Variants in NHS observed in about 807,000 individuals in gnomAD.
NHS encodes the protein actin remodeling regulator NHS.
In NHS, 5 loss-of-function variants were observed where a neutral mutation model predicts 72.5. The observed-to-expected ratio is 0.07, with a 90% confidence interval of 0.04 to 0.14. The LOEUF is 0.14. Among genes scored for constraint, NHS ranks in the 10% least tolerant of loss-of-function variants. NHS has a pLI of 1.00. For synonymous variants in NHS, 464 were observed against 547.7 expected, an observed-to-expected ratio of 0.85 and a Z score of 2.13; for missense variants, 1,072 against 1,355.7, an observed-to-expected ratio of 0.79 and a Z score of 3.29.
At chrX:17,518,421 T>C (rs1018677147) in intron 1 of NHS, among the ~76,000 whole-genome samples, 2 of 111,817 alleles carry the variant, frequency 1.8e-5, no homozygotes, top group South Asian at 3.7e-4. Flanking sequence ...AGTGAACGCA[T>C]GGCCACAACC....
rs151170039 is a variant in NHS at position 17,436,907 on chromosome X, A to G, written c.565+60585A>G. ...ACCTGAGACTCCAAGTGCCTTTTCC[A>G]AAGTTATGCAACTAGTTAGTGACAA... On this transcript the variant is annotated intron_variant, in intron 1 of 8. Transcript: ENST00000676302. 4.5e-5 allele frequency among the ~76,000 whole-genome samples: 5 copies of G among 111,872 alleles called. No homozygotes were observed. In the East Asian group the frequency reaches 1.4e-3, roughly 31 times the overall value.
At chrX:17,724,454 G>C in intron 6 of NHS, 24 bp downstream of exon 6, 1 of 1,205,256 alleles carries the variant, frequency 8.3e-7, no homozygotes, top group Non-Finnish European at 1.1e-6. Context: ...AAATGTTAAT[G>C]GTTAACATTC....
At chrX:17,720,925 A>C (rs1201990433) in intron 4 of NHS, among the ~76,000 whole-genome samples, 1 of 112,184 alleles carries the variant, frequency 8.9e-6, no homozygotes, top group East Asian at 2.8e-4. Context: ...TCCTGGAGTG[A>C]AATTAACTCC....
At chrX:17,537,489 C>G (rs1276368369) in intron 1 of NHS, among the ~76,000 whole-genome samples, 1 of 112,616 alleles carries the variant, frequency 8.9e-6, no homozygotes, top group Non-Finnish European at 1.9e-5. Flanking sequence ...AGGGTCCTGC[C>G]TGGTGCTATC....
intron 1 of NHS, among the ~76,000 whole-genome samples, chrX:17,495,950 C>T (rs2065010505): frequency 9.0e-6 from 1 of 111,541 alleles, no homozygotes; most frequent in African/African-American, 3.3e-5. Flanking sequence ...CTAACAGAAC[C>T]TAAGGGCTGG....
chrX:17,625,251 A>G (rs375108753), intron 1 of NHS, among the ~76,000 whole-genome samples: 34 of 111,699 alleles, frequency 3.0e-4, no homozygotes, highest in African/African-American at 9.4e-4. Flanking sequence ...ATCTGCCTCT[A>G]TGTTCCATCT....
intron 1 of NHS, among the ~76,000 whole-genome samples, chrX:17,509,661 G>A (rs1258067694): frequency 1.8e-5 from 2 of 112,225 alleles, no homozygotes; most frequent in Non-Finnish European, 3.7e-5. Flanking sequence ...TTTTACAAAT[G>A]AAGAAACTGG....
intron 1 of NHS, among the ~76,000 whole-genome samples, chrX:17,412,258 A>G (rs770108891): frequency 1.8e-5 from 2 of 110,046 alleles, no homozygotes; most frequent in Admixed American, 9.8e-5. Context: ...CTATCATCAT[A>G]TCAAGAACAT....
intron 1 of NHS, among the ~76,000 whole-genome samples, chrX:17,464,782 T>C (rs2064863824): frequency 1.8e-5 from 2 of 112,018 alleles, no homozygotes; most frequent in Admixed American, 1.9e-4. Flanking sequence ...CTTTACTTTA[T>C]GAGAACTTTG....
chrX:17,541,767 A>AACACACACAC (rs57700886), intron 1 of NHS, among the ~76,000 whole-genome samples: 4,513 of 62,809 alleles, frequency 0.072, 271 homozygotes, highest in African/African-American at 0.086. Flanking sequence ...TGAGTTTGCG[A>AACACACACAC]ACACACACAC....
chrX:17,539,226 G>C (rs1171537526), intron 1 of NHS, among the ~76,000 whole-genome samples: 1 of 111,188 alleles, frequency 9.0e-6, no homozygotes, highest in Non-Finnish European at 1.9e-5. Context: ...CTTTAGGAGA[G>C]AGTCATATCT....
In NHS at chrX:17,567,713, AAG is replaced by A. The variant is rs758851063; in HGVS notation, c.566-120024_566-120023del. Among the ~76,000 whole-genome samples, 3 of 109,363 alleles carry A rather than the reference AAG, an allele frequency of 2.7e-5. No individual in the cohort carries two copies. The East Asian group carries it at 8.6e-4, about 32-fold the overall frequency. The allele number at this position is 109,363 out of a possible 115,157, so 95.0% of individuals were successfully genotyped here. On this transcript the variant is annotated intron_variant, in intron 1 of 8. Transcript: ENST00000676302. Reference sequence around the variant, plus strand: ...GGGGGAGGAAGAGAGAGAAAAGAAAAAGAGAGGAGGGAGAAGGAGAAGAAGAG... The same window carrying A: ...GGGGGAGGAAGAGAGAGAAAAGAAAAAGAGGAGGGAGAAGGAGAAGAAGAG...
chrX:17,381,768 AC>A (rs1247134532), intron 1 of NHS, among the ~76,000 whole-genome samples: 2 of 112,338 alleles, frequency 1.8e-5, no homozygotes, highest in Non-Finnish European at 3.8e-5. Context: ...TTCTTGATGA[AC>A]TTATGTATAC....
chrX:17,636,941 C>A (rs6527815), intron 1 of NHS, among the ~76,000 whole-genome samples: 27,266 of 111,260 alleles, frequency 0.25, 6,120 homozygotes, highest in African/African-American at 0.71. Flanking sequence ...TGATAAATAA[C>A]CATTATTTGA....
chrX:17,500,864 C>T (rs1435864529), intron 1 of NHS, among the ~76,000 whole-genome samples: 3 of 111,633 alleles, frequency 2.7e-5, no homozygotes. Context: ...CTCCCAGACT[C>T]AATTGTTTCA....
chrX:17,430,641 C>G (rs1454489418), intron 1 of NHS, among the ~76,000 whole-genome samples: 1 of 110,846 alleles, frequency 9.0e-6, no homozygotes, highest in Non-Finnish European at 1.9e-5. Context: ...TTACTCCTCC[C>G]CGCAGCCTCT....
intron 1 of NHS, among the ~76,000 whole-genome samples, chrX:17,656,091 G>A (rs2065953226): frequency 8.8e-6 from 1 of 113,464 alleles, no homozygotes; most frequent in Non-Finnish European, 1.9e-5. Context: ...GGCAGATTCC[G>A]AGCCCAGCGC....
At chrX:17,411,454 C>T (rs1433107623) in intron 1 of NHS, among the ~76,000 whole-genome samples, 1 of 111,663 alleles carries the variant, frequency 9.0e-6, no homozygotes, top group Non-Finnish European at 1.9e-5. Context: ...CCTGCATCTA[C>T]ATACAGTATA....
Position 17,460,057 on chromosome X carries a change from G to C in NHS, c.565+83735G>C, listed in dbSNP as rs186474895. Among the ~76,000 whole-genome samples the C allele has an allele frequency of 9.2e-3, 1,027 of 111,481 alleles. 16 individuals carry two copies. Among genetic ancestry groups the C allele is most frequent in the African/African-American group, 0.032 (968 of 30,635 alleles). The stretch of plus-strand genomic sequence containing the variant: ...GATCCCCAGCTTTAGATCCCTGTTG[G>C]GGGGAGGTTGGGTGAACAAGAGGTT... On this transcript the variant is annotated intron_variant, in intron 1 of 8. Transcript: ENST00000676302.
Sources: allele counts gnomAD v4.1 joint callset (sites outside exome capture counted in the v4.1 genomes callset), GRCh38; gene constraint gnomAD v4.1.1; transcripts MANE v1.5; gene names NCBI Gene and HGNC (gene_info 2026-07-23, HGNC 2026-07-21).